The following PPM1E variants were observed in gnomAD, a reference collection of about 807,000 sequenced individuals.
The protein encoded by PPM1E is protein phosphatase 1E.
PPM1E carries 20 observed loss-of-function variants against 65.9 expected under a neutral mutation model. The observed-to-expected ratio is 0.30, with a 90% confidence interval of 0.21 to 0.44. PPM1E has a LOEUF of 0.44. PPM1E is among the 20% of genes least tolerant of loss of function. The pLI, the probability that PPM1E is intolerant of heterozygous loss-of-function variation, is 1.00. For missense variants in PPM1E, 713 were observed against 953.1 expected (o/e 0.75, Z 3.32); for synonymous variants, 352 against 374.9 (o/e 0.94, Z 0.70).
At chr17:58,860,488 G>T (rs995555449) in intron 1 of PPM1E, among the ~76,000 whole-genome samples, 1 of 152,132 alleles carries the variant, frequency 6.6e-6, no homozygotes, top group Non-Finnish European at 1.5e-5. Flanking sequence ...TGCTCCTTTT[G>T]TTCTCAGCAT....
At position 58,982,991 on chromosome 17, in the gene PPM1E, A is replaced by T. The variant is rs908421356; in HGVS notation, c.*1960A>T. The T allele has an allele frequency of 3.2e-6, 3 of 945,394 alleles. No individual in the cohort carries two copies. The highest frequency in any genetic ancestry group is 6.2e-5 in the Admixed American group (2 of 32,088). 58.6% of individuals were successfully genotyped at this position (945,394 alleles called of 1,614,324 possible). A position where few individuals can be genotyped will look rare whatever the true frequency, so the allele number is the denominator to read the frequency against. ...TATAGTCCAAAGTGCTTAGCGAAGT[A>T]AAAAAAAAAGCTTTTTAAAATTTCT... On this transcript the variant is annotated 3_prime_UTR_variant, in exon 7 of 7. Transcript: ENST00000308249.
chr17:58,886,886 CTG>C (rs2051271693), intron 1 of PPM1E, among the ~76,000 whole-genome samples: 1 of 152,128 alleles, frequency 6.6e-6, no homozygotes. Context: ...GGTGGGGAGA[CTG>C]TGCATGTGTA....
intron 1 of PPM1E, among the ~76,000 whole-genome samples, chr17:58,897,238 C>A (rs1465288767): frequency 6.6e-6 from 1 of 151,840 alleles, no homozygotes; most frequent in Admixed American, 6.6e-5. Context: ...CATGGTGAAA[C>A]CCCGTATTTA....
chr17:58,806,698 C>CT (rs57960498), intron 1 of PPM1E, among the ~76,000 whole-genome samples: 21,001 of 134,746 alleles, frequency 0.16, 2,055 homozygotes, highest in Non-Finnish European at 0.22. Flanking sequence ...GTTTTGTTTT[C>CT]TTTTTTTTTT....
intron 1 of PPM1E, among the ~76,000 whole-genome samples, chr17:58,909,761 A>T (rs1420688164): frequency 6.6e-6 from 1 of 151,716 alleles, no homozygotes; most frequent in African/African-American, 2.4e-5. Flanking sequence ...CTATAGTTTA[A>T]AATGATATTC....
chr17:58,762,292 A>G (rs2049828981), intron 1 of PPM1E, among the ~76,000 whole-genome samples: 1 of 151,886 alleles, frequency 6.6e-6, no homozygotes, highest in African/African-American at 2.4e-5. Flanking sequence ...TGAGTCTTGG[A>G]GTTCGAGACC....
chr17:58,960,814 A>T (rs1181706376), intron 2 of PPM1E, among the ~76,000 whole-genome samples: 3 of 151,950 alleles, frequency 2.0e-5, no homozygotes, highest in African/African-American at 7.2e-5. Flanking sequence ...AAGTCTGATT[A>T]AAAATGGCAA....
At chr17:58,824,360 T>G (rs2050510468) in intron 1 of PPM1E, among the ~76,000 whole-genome samples, 1 of 152,190 alleles carries the variant, frequency 6.6e-6, no homozygotes, top group Admixed American at 6.6e-5. Flanking sequence ...TCTGAGAAGC[T>G]GCTAATCAAC....
At chr17:58,893,657 G>A (rs1017093226) in intron 1 of PPM1E, among the ~76,000 whole-genome samples, 1 of 152,114 alleles carries the variant, frequency 6.6e-6, no homozygotes, top group Non-Finnish European at 1.5e-5. Context: ...TATAACAAAT[G>A]TACCACTCTG....
chr17:58,938,261 G>A (rs995918984), intron 1 of PPM1E, among the ~76,000 whole-genome samples: 2 of 152,096 alleles, frequency 1.3e-5, no homozygotes, highest in South Asian at 2.1e-4. Flanking sequence ...TTCTAGTTGA[G>A]GAAATTGAAA....
chr17:58,972,224 G>A lies in PPM1E; in HGVS notation c.1065G>A (p.Val355=). ...TGGGTGATTCCCAGGTTATGCTTGT[G>A]AGAAAGGGCCAAGCTGTTGAACTAA... ...AWVGDSQVML[V]RKGQAVELMK... is the part of the protein sequence containing the mutation. The change falls in exon 5 of 7, where the codon GTG becomes GTA. Residue 355 remains valine, a synonymous_variant. Coordinates refer to ENST00000308249, the MANE Select transcript of PPM1E (RefSeq NM_014906.5). 6.2e-7 allele frequency: 1 copy of A among 1,614,192 alleles called. No homozygotes were observed. The highest frequency in any genetic ancestry group is 8.5e-7 in the Non-Finnish European group (1 of 1,180,022).
intron 1 of PPM1E, among the ~76,000 whole-genome samples, chr17:58,953,625 C>T (rs1424095221): frequency 3.3e-5 from 5 of 152,140 alleles, no homozygotes; most frequent in Non-Finnish European, 7.3e-5. Flanking sequence ...TTTCCATTTC[C>T]GTAGCTTTAA....
At chr17:58,906,152 AC>A (rs1466518198) in intron 1 of PPM1E, among the ~76,000 whole-genome samples, 1 of 152,174 alleles carries the variant, frequency 6.6e-6, no homozygotes, top group Non-Finnish European at 1.5e-5. Flanking sequence ...TCATAGTATT[AC>A]TTTTATTATC....
At chr17:58,797,777 T>C (rs1663344835) in intron 1 of PPM1E, among the ~76,000 whole-genome samples, 1 of 152,226 alleles carries the variant, frequency 6.6e-6, no homozygotes, top group African/African-American at 2.4e-5. Flanking sequence ...ATGTAGTTTT[T>C]AAGAAACTAC....
intron 1 of PPM1E, among the ~76,000 whole-genome samples, chr17:58,938,437 C>CG (rs1202118578): frequency 2.6e-5 from 4 of 152,064 alleles, no homozygotes; most frequent in Non-Finnish European, 4.4e-5. Flanking sequence ...GTGTGTGTAA[C>CG]TATGTATTTT....
At chr17:58,827,530 A>C (rs1260838630) in intron 1 of PPM1E, among the ~76,000 whole-genome samples, 1 of 152,176 alleles carries the variant, frequency 6.6e-6, no homozygotes, top group Admixed American at 6.5e-5. Context: ...CTTTTAAGCC[A>C]TTTGAATATG....
intron 1 of PPM1E, among the ~76,000 whole-genome samples, chr17:58,786,054 G>A (rs1230400927): frequency 7.3e-6 from 1 of 136,186 alleles, no homozygotes; most frequent in African/African-American, 2.8e-5. Flanking sequence ...TCACTCTGTC[G>A]CCCAGGCTGG....
At chr17:58,763,888 C>T (rs930616206) in intron 1 of PPM1E, among the ~76,000 whole-genome samples, 1 of 151,974 alleles carries the variant, frequency 6.6e-6, no homozygotes, top group African/African-American at 2.4e-5. Flanking sequence ...TTTATAAGAT[C>T]ACTAAAGAAA....
At chr17:58,827,914 T>TAA (rs1339405320) in intron 1 of PPM1E, among the ~76,000 whole-genome samples, 2 of 107,676 alleles carry the variant, frequency 1.9e-5, no homozygotes, top group African/African-American at 3.6e-5. Flanking sequence ...AAAAAAAAAA[T>TAA]AATAATAATA....
Sources: gnomAD v4.1 joint callset for allele counts (sites outside exome capture counted in the v4.1 genomes callset) on GRCh38, gnomAD v4.1.1 for gene constraint, MANE v1.5 for transcripts, NCBI Gene and HGNC (gene_info 2026-07-23, HGNC 2026-07-21) for gene names.